GRIN2A: variants seen among roughly 807,000 people sequenced by gnomAD.
GRIN2A encodes glutamate receptor ionotropic, NMDA 2A.
A neutral mutation model predicts 113.4 loss-of-function variants in GRIN2A; 22 were observed. The observed-to-expected ratio is 0.19, with a 90% CI of 0.14 to 0.28. The LOEUF (loss-of-function observed/expected upper bound fraction) is 0.28. GRIN2A is among the 10% of genes least tolerant of loss of function. The pLI, the probability that GRIN2A is intolerant of heterozygous loss-of-function variation, is 1.00. For missense variants in GRIN2A, 1,502 were observed against 1,887.0 expected (o/e 0.80, Z 3.78); for synonymous variants, 827 against 738.4 (o/e 1.12, Z -1.94).
chr16:10,082,143 G>A (rs1186534715), intron 2 of GRIN2A, among the ~76,000 whole-genome samples: 1 of 152,150 alleles, frequency 6.6e-6, no homozygotes, highest in Non-Finnish European at 1.5e-5. Context: ...CCTAGATTTG[G>A]AGCCTCCAAA....
chr16:10,055,844 G>C (rs770229424), intron 2 of GRIN2A, among the ~76,000 whole-genome samples: 1 of 152,220 alleles, frequency 6.6e-6, no homozygotes, highest in Admixed American at 6.5e-5. Flanking sequence ...GGTTTAAAAT[G>C]TTAAATAAAT....
At chr16:9,820,164 G>C (rs1327849068) in intron 10 of GRIN2A, among the ~76,000 whole-genome samples, 1 of 152,028 alleles carries the variant, frequency 6.6e-6, no homozygotes, top group Non-Finnish European at 1.5e-5. Flanking sequence ...TTAAAAAAAA[G>C]ATTGAAAAAG....
Position 10,050,501 on chromosome 16 carries a change from G to A in GRIN2A, c.415-111950C>T, listed in dbSNP as rs76633573. ...CCCTATTGTGAACTGCACATACGAG[G>A]GATCTAGATGGCATGCTCCTTATGA... On this transcript the variant is annotated intron_variant, in intron 2 of 12. Transcript: ENST00000330684. 9.3e-3 allele frequency among the ~76,000 whole-genome samples: 1,417 copies of A among 151,838 alleles called. 17 individuals are homozygous for A. Among genetic ancestry groups the A allele is most frequent in the African/African-American group, 0.033 (1,358 of 41,382 alleles).
chr16:10,028,557 A>G (rs2046865113), intron 2 of GRIN2A, among the ~76,000 whole-genome samples: 1 of 152,168 alleles, frequency 6.6e-6, no homozygotes, highest in South Asian at 2.1e-4. Flanking sequence ...AGAAAATCCT[A>G]AGTTATTAGA....
intron 3 of GRIN2A, among the ~76,000 whole-genome samples, chr16:9,898,220 T>A (rs1275774458): frequency 2.6e-5 from 4 of 152,164 alleles, no homozygotes; most frequent in Non-Finnish European, 5.9e-5. Flanking sequence ...ATGCAAATTT[T>A]CCATGCAGTT....
intron 3 of GRIN2A, among the ~76,000 whole-genome samples, chr16:9,905,410 G>A (rs1393317172): frequency 6.6e-6 from 1 of 152,052 alleles, no homozygotes; most frequent in African/African-American, 2.4e-5. Flanking sequence ...TTCAGAACTG[G>A]GCAGATAATA....
At position 10,037,906 on chromosome 16, in the gene GRIN2A, A is replaced by C. The variant is rs144731850; in HGVS notation, c.415-99355T>G. 3.7e-3 allele frequency among the ~76,000 whole-genome samples: 559 copies of C among 152,236 alleles called. 2 individuals carry two copies. The highest frequency in any genetic ancestry group is 0.013 in the African/African-American group (520 of 41,530). Reference sequence around the variant, plus strand: ...ATTGTTGAGATTACAGGCATGAATCATTGTGCCTGGCTCTACTCCCATTTC... The same window carrying C: ...ATTGTTGAGATTACAGGCATGAATCCTTGTGCCTGGCTCTACTCCCATTTC... On this transcript the variant is annotated intron_variant, in intron 2 of 12. Transcript: ENST00000330684.
intron 2 of GRIN2A, among the ~76,000 whole-genome samples, chr16:10,093,250 C>A (rs1482426298): frequency 6.6e-6 from 1 of 152,198 alleles, no homozygotes; most frequent in Non-Finnish European, 1.5e-5. Context: ...GGTACCATTG[C>A]TCTTGCAGCC....
intron 2 of GRIN2A, among the ~76,000 whole-genome samples, chr16:10,084,876 A>C (rs1443523548): frequency 6.6e-6 from 1 of 152,206 alleles, no homozygotes; most frequent in Admixed American, 6.5e-5. Context: ...TACATAGTAG[A>C]CAACAGTCTA....
rs117379348 is a variant in GRIN2A at position 10,118,575 on chromosome 16, T to C, written c.414+61423A>G. 3.0e-3 allele frequency among the ~76,000 whole-genome samples: 450 copies of C among 152,318 alleles called. 4 individuals are homozygous for C. Among genetic ancestry groups the C allele is most frequent in the Middle Eastern group, 6.8e-3 (2 of 294 alleles). On this transcript the variant is annotated intron_variant, in intron 2 of 12. Transcript: ENST00000330684. ...AATCCTCTGGTAGGTAATTAGGATA[T>C]AGAAATTGGGCACAATCTATGTCTT...
chr16:9,985,272 G>C (rs549709350), intron 2 of GRIN2A, among the ~76,000 whole-genome samples: 1 of 152,054 alleles, frequency 6.6e-6, no homozygotes, highest in African/African-American at 2.4e-5. Context: ...ATATGGTCCC[G>C]CATTTAGAAT....
intron 2 of GRIN2A, among the ~76,000 whole-genome samples, chr16:10,158,798 G>T (rs887849653): frequency 6.6e-6 from 1 of 152,162 alleles, no homozygotes; most frequent in African/African-American, 2.4e-5. Flanking sequence ...ATGGTTACTG[G>T]TCTCCTTTTG....
At chr16:9,988,506 C>G (rs1401123386) in intron 2 of GRIN2A, among the ~76,000 whole-genome samples, 5 of 152,064 alleles carry the variant, frequency 3.3e-5, no homozygotes, top group African/African-American at 9.6e-5. Flanking sequence ...CCATGGTTGT[C>G]CAGCCATCTC....
At chr16:10,084,258 C>T (rs1264905733) in intron 2 of GRIN2A, among the ~76,000 whole-genome samples, 1 of 152,158 alleles carries the variant, frequency 6.6e-6, no homozygotes, top group Non-Finnish European at 1.5e-5. Flanking sequence ...TTGTGCCAGC[C>T]CCTTGAATAC....
intron 2 of GRIN2A, among the ~76,000 whole-genome samples, chr16:10,034,174 T>C (rs2046981374): frequency 6.6e-6 from 1 of 152,120 alleles, no homozygotes; most frequent in Non-Finnish European, 1.5e-5. Flanking sequence ...ACAAAGGCTT[T>C]GTGTTTATCT....
chr16:10,143,229 T>A (rs1070488), intron 2 of GRIN2A, among the ~76,000 whole-genome samples: 85,290 of 152,032 alleles, frequency 0.56, 24,838 homozygotes, highest in East Asian at 0.91. Flanking sequence ...CTTTCATACC[T>A]TTCAAAGAAG....
intron 3 of GRIN2A, among the ~76,000 whole-genome samples, chr16:9,921,450 T>C (rs1174046294): frequency 6.6e-6 from 1 of 152,210 alleles, no homozygotes; most frequent in Non-Finnish European, 1.5e-5. Flanking sequence ...AGAGGTCATC[T>C]TGATACTGAT....
chr16:9,980,276 AAAAG>A (rs1009926682), intron 2 of GRIN2A, among the ~76,000 whole-genome samples: 2 of 152,150 alleles, frequency 1.3e-5, no homozygotes, highest in Non-Finnish European at 2.9e-5. Context: ...CAAAAAAAAA[AAAAG>A]AGAGTGATAC....
chr16:9,950,371 ACCTCATGGTTACTTGAGGC>A (rs1377460364), intron 2 of GRIN2A, among the ~76,000 whole-genome samples: 2 of 152,042 alleles, frequency 1.3e-5, no homozygotes, highest in Non-Finnish European at 2.9e-5. Flanking sequence ...GAGCCCTTGG[ACCTCATGGTTACTTGAGGC>A]CCTAGCCAAG....
Sources: allele counts gnomAD v4.1 joint callset (sites outside exome capture counted in the v4.1 genomes callset), GRCh38; gene constraint gnomAD v4.1.1; transcripts MANE v1.5; gene names NCBI Gene and HGNC (gene_info 2026-07-23, HGNC 2026-07-21).